SMYD3: variants seen among roughly 807,000 people sequenced by gnomAD.
The protein encoded by SMYD3 is SET and MYND domain containing 3, also known as histone-lysine N-methyltransferase SMYD3.
In SMYD3, 36 loss-of-function variants were observed where a neutral mutation model predicts 57.7. The ratio of observed to expected loss-of-function variants is 0.62; its 90% confidence interval spans 0.48 to 0.82. The LOEUF (loss-of-function observed/expected upper bound fraction) is 0.82, where lower values mean the gene tolerates loss of function less well. Among genes scored for constraint, SMYD3 ranks in the 40% least tolerant of loss-of-function variants. SMYD3 has a pLI of 0.00. For missense variants in SMYD3, 515 were observed against 538.8 expected (o/e 0.96, Z 0.44); for synonymous variants, 211 against 195.0 (o/e 1.08, Z -0.68).
intron 10 of SMYD3, among the ~76,000 whole-genome samples, chr1:245,787,029 C>T (rs528113721): frequency 1.3e-5 from 2 of 152,312 alleles, no homozygotes; most frequent in South Asian, 4.1e-4. Context: ...ATATAATTTG[C>T]TAGCAGGAAA....
At chr1:245,866,409 AGGAG>A (rs200802752) in intron 8 of SMYD3, among the ~76,000 whole-genome samples, 3,293 of 151,784 alleles carry the variant, frequency 0.022, 63 homozygotes, top group South Asian at 0.051. Flanking sequence ...CTGTACATGG[AGGAG>A]GGAGGAGATA....
intron 5 of SMYD3, among the ~76,000 whole-genome samples, chr1:246,086,881 C>A (rs1021634811): frequency 2.0e-5 from 3 of 152,056 alleles, no homozygotes; most frequent in African/African-American, 7.3e-5. Context: ...CTCTCCCTCC[C>A]CTCGCCCTTC....
chr1:246,495,946 C>T (rs1417749246), intron 1 of SMYD3, among the ~76,000 whole-genome samples: 5 of 149,744 alleles, frequency 3.3e-5, no homozygotes, highest in African/African-American at 1.2e-4. Flanking sequence ...GCCTGGGTGA[C>T]AGTGAGACTT....
chr1:246,292,803 A>G (rs970105019), intron 5 of SMYD3, among the ~76,000 whole-genome samples: 1 of 152,156 alleles, frequency 6.6e-6, no homozygotes, highest in Non-Finnish European at 1.5e-5. Flanking sequence ...AAGGAACACA[A>G]AGGGCTGAGC....
chr1:246,072,397 G>T (rs369437456), intron 5 of SMYD3, among the ~76,000 whole-genome samples: 1 of 147,928 alleles, frequency 6.8e-6, no homozygotes, highest in South Asian at 2.2e-4. Context: ...GCTCACTGTG[G>T]CTGCATCCTG....
chr1:246,320,991 A>C (rs2065238600), intron 5 of SMYD3, among the ~76,000 whole-genome samples: 1 of 152,238 alleles, frequency 6.6e-6, no homozygotes, highest in African/African-American at 2.4e-5. Flanking sequence ...CCCACGTGAA[A>C]TTCCAAGAAA....
At chr1:245,914,814 C>T (rs981021148) in intron 8 of SMYD3, among the ~76,000 whole-genome samples, 13 of 152,268 alleles carry the variant, frequency 8.5e-5, no homozygotes, top group Admixed American at 3.3e-4. Flanking sequence ...TGATTTGATA[C>T]TACACATAGT....
chr1:245,830,536 A>G (rs891893860), intron 10 of SMYD3, among the ~76,000 whole-genome samples: 1 of 152,216 alleles, frequency 6.6e-6, no homozygotes, highest in Non-Finnish European at 1.5e-5. Context: ...AAACCTTATC[A>G]GTGTGTGGGT....
chr1:246,451,292 T>TTA (rs2067628737), intron 1 of SMYD3, among the ~76,000 whole-genome samples: 1 of 152,220 alleles, frequency 6.6e-6, no homozygotes, highest in Non-Finnish European at 1.5e-5. Context: ...AACAATGAAA[T>TTA]ATTATTCTGC....
chr1:245,767,305 A>T (rs2046156978), intron 10 of SMYD3, among the ~76,000 whole-genome samples: 1 of 152,170 alleles, frequency 6.6e-6, no homozygotes, highest in African/African-American at 2.4e-5. Context: ...TGAGAAGGTG[A>T]GGGGAAGATG....
intron 5 of SMYD3, among the ~76,000 whole-genome samples, chr1:246,252,489 CAT>C (rs1170855638): frequency 6.6e-6 from 1 of 152,112 alleles, no homozygotes; most frequent in African/African-American, 2.4e-5. Context: ...TATGAAGAAA[CAT>C]ATGTATAACT....
chr1:245,972,866 A>T (rs2058335567), intron 5 of SMYD3, among the ~76,000 whole-genome samples: 1 of 152,272 alleles, frequency 6.6e-6, no homozygotes, highest in Non-Finnish European at 1.5e-5. Context: ...TCAGTGAAAA[A>T]GAAATAAATG....
intron 5 of SMYD3, among the ~76,000 whole-genome samples, chr1:246,197,220 T>C (rs1170197067): frequency 2.0e-5 from 3 of 152,182 alleles, no homozygotes; most frequent in Non-Finnish European, 2.9e-5. Flanking sequence ...TATTAAATAC[T>C]CCTCCTTCAA....
rs373525854 is a variant in SMYD3 at position 246,271,604 on chromosome 1, C to T, written c.531+55597G>A. On this transcript the variant is annotated intron_variant, in intron 5 of 11. Coordinates refer to ENST00000490107, the MANE Select transcript of SMYD3 (RefSeq NM_001167740.2). The stretch of plus-strand genomic sequence containing the variant: ...GGCACCCCCATCGAAAATCATTTGA[C>T]CATATAGGTGAGGTTTTACTTCTGG... 3.9e-5 allele frequency among the ~76,000 whole-genome samples: 6 copies of T among 152,160 alleles called. No individual in the cohort carries two copies. The East Asian group carries it at 1.2e-3, about 29-fold the overall frequency.
intron 5 of SMYD3, among the ~76,000 whole-genome samples, chr1:246,142,374 G>A (rs1283934904): frequency 6.6e-6 from 1 of 151,320 alleles, no homozygotes; most frequent in Admixed American, 6.6e-5. Flanking sequence ...TCCTTATTAA[G>A]TCGGGAACTT....
intron 5 of SMYD3, among the ~76,000 whole-genome samples, chr1:246,130,965 C>A (rs2061578222): frequency 6.6e-6 from 1 of 152,148 alleles, no homozygotes; most frequent in Non-Finnish European, 1.5e-5. Context: ...TCTTAACACT[C>A]CTAGTCCTGT....
At chr1:246,222,109 C>T (rs932303960) in intron 5 of SMYD3, among the ~76,000 whole-genome samples, 1 of 152,074 alleles carries the variant, frequency 6.6e-6, no homozygotes, top group African/African-American at 2.4e-5. Context: ...CTCAGAGCAA[C>T]CCAAACATAA....
intron 1 of SMYD3, among the ~76,000 whole-genome samples, chr1:246,404,930 T>A (rs369901199): frequency 6.6e-6 from 1 of 152,162 alleles, no homozygotes; most frequent in Non-Finnish European, 1.5e-5. Context: ...TGACTCATAA[T>A]AATTGTAAAC....
chr1:246,054,938 G>C (rs1197830809), intron 5 of SMYD3, among the ~76,000 whole-genome samples: 5 of 149,998 alleles, frequency 3.3e-5, no homozygotes, highest in African/African-American at 9.8e-5. Flanking sequence ...CACTTTGGGA[G>C]GCCGAGGCGG....
Sources: allele counts gnomAD v4.1 joint callset (sites outside exome capture counted in the v4.1 genomes callset), GRCh38; gene constraint gnomAD v4.1.1; transcripts MANE v1.5; gene names NCBI Gene and HGNC (gene_info 2026-07-23, HGNC 2026-07-21).